Variants in TKTL1 observed in about 807,000 individuals in gnomAD.
The protein encoded by TKTL1 is transketolase-like protein 1.
In TKTL1, 1 loss-of-function variant was observed where a neutral mutation model predicts 39.3. That is an observed-to-expected ratio of 0.03 (90% CI 0.01 to 0.12). The LOEUF is 0.12. TKTL1 is among the 10% of genes least tolerant of loss of function. TKTL1 has a pLI of 1.00. For missense variants in TKTL1, 575 were observed against 509.6 expected, an observed-to-expected ratio of 1.13 and a Z score of -1.24; for synonymous variants, 262 against 193.8, an observed-to-expected ratio of 1.35 and a Z score of -2.92.
rs1557170520 is a variant in TKTL1, at chrX:154,320,841, G to T, written c.1114G>T (p.Asp372Tyr). 5 of 1,209,373 alleles carry T rather than the reference G, an allele frequency of 4.1e-6. No individual in the cohort carries two copies. Among genetic ancestry groups the T allele is most frequent in the Admixed American group, 2.2e-5 (1 of 45,790 alleles). Residue 372 changes from aspartate (D) to tyrosine (Y), a missense_variant, in exon 8 of 13, where the codon GAT (aspartate) becomes TAT (tyrosine). Physicochemically the swap from Asp to Tyr is radical, Grantham distance 160 (BLOSUM62 -3). Transcript: ENST00000369915. ...TFAAFLTRAF[D>Y]HIRIGGLAES... ...TGCTGCCTTTCTGACTCGAGCATTTGATCACATCCGGATAGGAGGCCTCGC... is the reference window on the plus strand; with the variant it reads ...TGCTGCCTTTCTGACTCGAGCATTTTATCACATCCGGATAGGAGGCCTCGC...
chrX:154,310,225 G>T (rs1316712697), intron 3 of TKTL1, among the ~76,000 whole-genome samples: 3 of 111,053 alleles, frequency 2.7e-5, no homozygotes, highest in African/African-American at 9.8e-5. Flanking sequence ...GGGAGGCCGA[G>T]GTGGGCGGAT....
chrX:154,323,741 TC>T (rs1569551142), intron 9 of TKTL1, among the ~76,000 whole-genome samples: 1 of 112,451 alleles, frequency 8.9e-6, no homozygotes, highest in Non-Finnish European at 1.9e-5. Flanking sequence ...TGTCCTGACA[TC>T]CAGGAAGCTG....
intron 9 of TKTL1, among the ~76,000 whole-genome samples, chrX:154,324,051 C>G (rs1281911173): frequency 8.9e-6 from 1 of 112,586 alleles, no homozygotes; most frequent in Non-Finnish European, 1.9e-5. Context: ...CCTTTCCAAG[C>G]ACTCATGGGC....
rs2067369919 is a variant in TKTL1 at position 154,312,912 on chromosome X, CAGTT to C, written c.864+140_864+143del. 21 of 588,039 alleles carry C rather than the reference CAGTT, an allele frequency of 3.6e-5. No individual in the cohort carries two copies. In the South Asian group the frequency reaches 7.5e-4, roughly 21 times the overall value. The allele number at this position is 588,039 out of a possible 1,213,427, so 48.5% of individuals were successfully genotyped here. A position where few individuals can be genotyped will look rare whatever the true frequency, so the allele number is the denominator to read the frequency against. Reference sequence around the variant, plus strand: ...AATTACTAGAGTGACATGTAACTAACAGTTCGTAGGCAATAAAGAGAGGTTTGCC... The same window carrying C: ...AATTACTAGAGTGACATGTAACTAACCGTAGGCAATAAAGAGAGGTTTGCC... On this transcript the variant is annotated intron_variant, in intron 6 of 12. Transcript: ENST00000369915.
chrX:154,318,543 CAA>C (rs55702707), intron 7 of TKTL1, among the ~76,000 whole-genome samples: 11 of 86,219 alleles, frequency 1.3e-4, no homozygotes, highest in African/African-American at 3.4e-4. Flanking sequence ...ACTAAAAATA[CAA>C]AAAAAAAAAA....
chrX:154,305,146 G>A (rs782267762), intron 1 of TKTL1, 158 bp from the exon 2 acceptor site: 81 of 1,174,328 alleles, frequency 6.9e-5, no homozygotes, highest in Non-Finnish European at 8.4e-5. Flanking sequence ...GGGCTTTAAA[G>A]CGCCCTTCCA....
intron 11 of TKTL1, 61 bp downstream of exon 11, chrX:154,327,748 C>G: frequency 8.4e-7 from 1 of 1,193,235 alleles, no homozygotes; most frequent in Non-Finnish European, 1.1e-6. Flanking sequence ...CTTCAGCTAC[C>G]TCCTGTGCCC....
chrX:154,318,226 C>G (rs1221384121), intron 7 of TKTL1, among the ~76,000 whole-genome samples: 1 of 110,460 alleles, frequency 9.1e-6, no homozygotes, highest in African/African-American at 3.3e-5. Context: ...TTGGCCACAT[C>G]TACATTTTTA....
intron 1 of TKTL1, among the ~76,000 whole-genome samples, chrX:154,303,184 T>C (rs1557166365): frequency 5.1e-5 from 3 of 59,272 alleles, no homozygotes; most frequent in African/African-American, 2.7e-4. Context: ...AATTTTTATT[T>C]ATTTATTTAT....
intron 7 of TKTL1, among the ~76,000 whole-genome samples, chrX:154,318,457 T>C (rs1422635086): frequency 7.5e-5 from 8 of 106,893 alleles, no homozygotes; most frequent in South Asian, 4.2e-4. Flanking sequence ...CCCAGCACTT[T>C]GGGAGGCCGA....
At chrX:154,323,693 T>G (rs1321218422) in intron 9 of TKTL1, among the ~76,000 whole-genome samples, 1 of 112,076 alleles carries the variant, frequency 8.9e-6, no homozygotes, top group African/African-American at 3.2e-5. Flanking sequence ...AGTGTTAGTC[T>G]CCAGTGGCTG....
chrX:154,304,821 GCTTT>G (rs782257000), intron 1 of TKTL1: 81 of 297,786 alleles, frequency 2.7e-4, no homozygotes, highest in Non-Finnish European at 4.4e-4. Flanking sequence ...CATGCAGGCC[GCTTT>G]CTAAGAGCAG....
chrX:154,321,046 G>A (rs1377189783), intron 8 of TKTL1, 133 bp downstream of exon 8: 2 of 777,093 alleles, frequency 2.6e-6, no homozygotes, highest in Non-Finnish European at 1.9e-6. Context: ...TCTTGAAAAA[G>A]CCATATTGTA....
chrX:154,316,543 C>T (rs973752813), intron 7 of TKTL1, among the ~76,000 whole-genome samples: 2 of 110,135 alleles, frequency 1.8e-5, no homozygotes, highest in Non-Finnish European at 3.8e-5. Flanking sequence ...ACAGCGAGAC[C>T]CCATCTCAAA....
Position 154,295,881 on chromosome X carries a change from G to T in TKTL1, c.22G>T (p.Ala8Ser). 3 of 1,211,899 alleles carry T rather than the reference G, an allele frequency of 2.5e-6. No homozygotes were observed. Among genetic ancestry groups the T allele is most frequent in the Non-Finnish European group, 3.4e-6 (3 of 895,422 alleles). Residue 8 changes from alanine (A) to serine (S), a missense_variant, in exon 1 of 13, where the codon GCT (alanine) becomes TCT (serine). Ala to Ser is a moderately conservative substitution (Grantham distance 99, BLOSUM62 1). Transcript: ENST00000369915. ...ACTAATGGCGGATGCTGAGGCGAGG[G>T]CTGAGTTCCCGGAGGAGGCCAGACC... The part of the protein sequence containing the change: MADAEAR[A>S]EFPEEARPDR...
intron 8 of TKTL1, 36 bp downstream of exon 8, chrX:154,320,949 C>T (rs1250021622): frequency 5.1e-6 from 6 of 1,183,158 alleles, no homozygotes; most frequent in Non-Finnish European, 6.9e-6. Context: ...TGGTAGCCTT[C>T]CTCCTTCACA....
At chrX:154,327,070 T>C (rs2067498334) in intron 10 of TKTL1, 1 of 185,734 alleles carries the variant, frequency 5.4e-6, no homozygotes, top group Non-Finnish European at 1.0e-5. Flanking sequence ...ACTCTGTCTT[T>C]GCTTGCAGAA....
chrX:154,319,051 T>C (rs1312163285), intron 7 of TKTL1, among the ~76,000 whole-genome samples: 2 of 111,443 alleles, frequency 1.8e-5, no homozygotes, highest in African/African-American at 6.5e-5. Context: ...AGTGGATGAG[T>C]ATACTTGTAG....
chrX:154,306,216 C>G (rs918869215), intron 2 of TKTL1, among the ~76,000 whole-genome samples: 2 of 111,292 alleles, frequency 1.8e-5, no homozygotes, highest in Non-Finnish European at 3.8e-5. Flanking sequence ...GGCTGAGGCA[C>G]AAGAATTGTT....
Sources: allele counts gnomAD v4.1 joint callset (sites outside exome capture counted in the v4.1 genomes callset), GRCh38; gene constraint gnomAD v4.1.1; transcripts MANE v1.5; gene names NCBI Gene and HGNC (gene_info 2026-07-23, HGNC 2026-07-21).